Variants in WWOX observed in about 807,000 individuals in gnomAD.
WWOX encodes the protein WW domain-containing oxidoreductase.
Under a neutral mutation model 46.2 loss-of-function variants are expected in WWOX, and 69 were observed. The ratio of observed to expected loss-of-function variants is 1.49; its 90% CI spans 1.23 to 1.82. The LOEUF is 1.82. WWOX is among the 40% of genes most tolerant of loss of function. WWOX has a pLI of 0.00. For synonymous variants in WWOX, 359 were observed against 202.6 expected, an observed-to-expected ratio of 1.77 and a Z score of -6.56; for missense variants, 919 against 542.6, an observed-to-expected ratio of 1.69 and a Z score of -6.89.
intron 5 of WWOX, among the ~76,000 whole-genome samples, chr16:78,381,350 C>T (rs191554345): frequency 7.0e-4 from 107 of 152,268 alleles, no homozygotes; most frequent in Non-Finnish European, 1.3e-3. Flanking sequence ...ATGAAGAAGA[C>T]TTAGTGTATT....
intron 5 of WWOX, among the ~76,000 whole-genome samples, chr16:78,287,721 T>C (rs2151858553): frequency 6.6e-6 from 1 of 152,324 alleles, no homozygotes; most frequent in Admixed American, 6.5e-5. Context: ...CGATTCATGA[T>C]ATAAATTTTT....
chr16:78,656,149 C>G (rs1194697493), intron 8 of WWOX, among the ~76,000 whole-genome samples: 1 of 152,116 alleles, frequency 6.6e-6, no homozygotes, highest in African/African-American at 2.4e-5. Flanking sequence ...AAGTTATGCT[C>G]TGTTGTTTCT....
At chr16:79,012,797 T>A (rs1390654790) in intron 8 of WWOX, among the ~76,000 whole-genome samples, 1 of 152,250 alleles carries the variant, frequency 6.6e-6, no homozygotes, top group Non-Finnish European at 1.5e-5. Context: ...TGCAGCCTTC[T>A]GTTTTCTTCC....
chr16:79,073,875 A>C (rs1436290279), intron 8 of WWOX, among the ~76,000 whole-genome samples: 1 of 152,138 alleles, frequency 6.6e-6, no homozygotes, highest in Non-Finnish European at 1.5e-5. Flanking sequence ...CCAGGTAGTA[A>C]TTTTAAAATG....
At chr16:79,084,165 G>T (rs147941539) in intron 8 of WWOX, among the ~76,000 whole-genome samples, 57 of 152,240 alleles carry the variant, frequency 3.7e-4, no homozygotes, top group African/African-American at 1.3e-3. Flanking sequence ...CAGCTCTCAG[G>T]CACTCTTGGT....
At chr16:78,977,410 T>C (rs944083262) in intron 8 of WWOX, among the ~76,000 whole-genome samples, 8 of 152,142 alleles carry the variant, frequency 5.3e-5, no homozygotes, top group Non-Finnish European at 2.9e-5. Context: ...TGGCACTCTT[T>C]ATTCTGTCCT....
chr16:78,472,367 A>G (rs932273712), intron 8 of WWOX, among the ~76,000 whole-genome samples: 15 of 152,204 alleles, frequency 9.9e-5, no homozygotes, highest in Non-Finnish European at 2.1e-4. Flanking sequence ...TTAAATAATG[A>G]AAAACTTTGG....
chr16:78,971,138 A>C (rs1027609103), intron 8 of WWOX, among the ~76,000 whole-genome samples: 3 of 152,050 alleles, frequency 2.0e-5, no homozygotes, highest in African/African-American at 7.2e-5. Context: ...CATATGCTTT[A>C]TTCCTGAGCA....
intron 8 of WWOX, among the ~76,000 whole-genome samples, chr16:78,477,155 C>A (rs2084370944): frequency 6.6e-6 from 1 of 152,068 alleles, no homozygotes; most frequent in African/African-American, 2.4e-5. Flanking sequence ...CTAAATATTG[C>A]TTTTAGTGTA....
intron 8 of WWOX, among the ~76,000 whole-genome samples, chr16:78,621,592 C>CTTTTTTT (rs34182797): frequency 0.028 from 886 of 31,528 alleles, 281 homozygotes; most frequent in Non-Finnish European, 0.041. Flanking sequence ...TTGTTCTAAT[C>CTTTTTTT]TTTTTTTTTT....
intron 8 of WWOX, among the ~76,000 whole-genome samples, chr16:78,721,504 C>T (rs1040939006): frequency 2.6e-5 from 4 of 152,124 alleles, no homozygotes; most frequent in Admixed American, 1.3e-4. Context: ...TTGCTGGTGG[C>T]GGGGTTGTGG....
At chr16:78,716,450 A>C (rs117888242) in intron 8 of WWOX, among the ~76,000 whole-genome samples, 2,230 of 152,224 alleles carry the variant, frequency 0.015, 22 homozygotes, top group South Asian at 0.036. Context: ...CTCCTGCCAA[A>C]TGCTGCCTGC....
chr16:78,804,969 C>T (rs575093620), intron 8 of WWOX, among the ~76,000 whole-genome samples: 1 of 152,198 alleles, frequency 6.6e-6, no homozygotes, highest in East Asian at 1.9e-4. Flanking sequence ...TGGATGGTTT[C>T]CATTGATATT....
Position 79,212,350 on chromosome 16 carries a change from G to C in WWOX, c.*554G>C. On this transcript the variant is annotated 3_prime_UTR_variant, in exon 9 of 9. Coordinates refer to ENST00000566780, the MANE Select transcript of WWOX (RefSeq NM_016373.4). ...TGTCCCAGCCAGTGAGGATGACAGTGACACCCAGAGGGAGTAGAATACGCA... is the reference window on the plus strand; with the variant it reads ...TGTCCCAGCCAGTGAGGATGACAGTCACACCCAGAGGGAGTAGAATACGCA... 2 of 619,386 alleles carry C rather than the reference G, an allele frequency of 3.2e-6. No homozygotes were observed. Among genetic ancestry groups the C allele is most frequent in the Non-Finnish European group, 5.3e-6 (2 of 374,108 alleles). 38.4% of individuals were successfully genotyped at this position (619,386 alleles called of 1,614,324 possible).
chr16:79,089,075 T>G (rs1056025630), intron 8 of WWOX, among the ~76,000 whole-genome samples: 1 of 152,188 alleles, frequency 6.6e-6, no homozygotes, highest in Non-Finnish European at 1.5e-5. Flanking sequence ...TGTATGCAGT[T>G]AATACAGTTC....
At chr16:78,900,806 G>A (rs2044812225) in intron 8 of WWOX, among the ~76,000 whole-genome samples, 1 of 147,996 alleles carries the variant, frequency 6.8e-6, no homozygotes. Flanking sequence ...TTATTTGAAG[G>A]ATATTAAATA....
intron 8 of WWOX, among the ~76,000 whole-genome samples, chr16:78,939,433 C>G (rs1224336476): frequency 6.6e-6 from 1 of 152,164 alleles, no homozygotes; most frequent in African/African-American, 2.4e-5. Flanking sequence ...TTGGCATTAG[C>G]TCACCAGTGG....
intron 5 of WWOX, among the ~76,000 whole-genome samples, chr16:78,348,009 A>G (rs1597074184): frequency 8.1e-6 from 1 of 122,920 alleles, no homozygotes; most frequent in South Asian, 2.4e-4. Context: ...TTAAAGGAAT[A>G]TAAAACTTTC....
chr16:78,354,901 A>G (rs552021106), intron 5 of WWOX, among the ~76,000 whole-genome samples: 117 of 152,322 alleles, frequency 7.7e-4, no homozygotes, highest in Non-Finnish European at 1.3e-3. Context: ...TTGGAGGCCA[A>G]GGTGAGGAGA....
Sources: allele counts gnomAD v4.1 joint callset (sites outside exome capture counted in the v4.1 genomes callset), GRCh38; gene constraint gnomAD v4.1.1; transcripts MANE v1.5; gene names NCBI Gene and HGNC (gene_info 2026-07-23, HGNC 2026-07-21).